The following ROBO2 variants were observed in gnomAD, a reference collection of about 807,000 sequenced individuals.
ROBO2 encodes the protein roundabout homolog 2.
Under a neutral mutation model 160.8 loss-of-function variants are expected in ROBO2, and 53 were observed. The ratio of observed to expected loss-of-function variants is 0.33; its 90% CI spans 0.26 to 0.41. ROBO2 has a LOEUF of 0.41. ROBO2 is among the 10% of genes least tolerant of loss of function. The probability of loss-of-function intolerance (pLI) is 1.00; values close to 1 mark genes in which losing one functional copy is unlikely to be tolerated. For synonymous variants in ROBO2, 664 were observed against 611.7 expected (o/e 1.09, Z -1.26); for missense variants, 1,577 against 1,722.4 (o/e 0.92, Z 1.49).
chr3:76,555,420 A>G (rs1202456985), intron 2 of ROBO2, among the ~76,000 whole-genome samples: 167 of 69,400 alleles, frequency 2.4e-3, no homozygotes, highest in African/African-American at 7.6e-3. Flanking sequence ...AGAAGAAGAA[A>G]GAAGGAGAAG....
At chr3:77,010,484 C>T (rs567742449) in intron 2 of ROBO2, among the ~76,000 whole-genome samples, 9 of 152,250 alleles carry the variant, frequency 5.9e-5, no homozygotes, top group African/African-American at 9.6e-5. Flanking sequence ...ACCCATAATT[C>T]CACATGTGAC....
intron 2 of ROBO2, among the ~76,000 whole-genome samples, chr3:76,681,663 C>A (rs544434993): frequency 4.5e-4 from 68 of 152,170 alleles, no homozygotes; most frequent in Non-Finnish European, 8.1e-4. Context: ...TGTGCAAAGA[C>A]CCTGGAGCAG....
chr3:77,207,226 A>C (rs555136563), intron 2 of ROBO2, among the ~76,000 whole-genome samples: 1 of 152,260 alleles, frequency 6.6e-6, no homozygotes, highest in African/African-American at 2.4e-5. Flanking sequence ...AAGAGATCTA[A>C]AATTTTGAAG....
intron 2 of ROBO2, among the ~76,000 whole-genome samples, chr3:77,281,471 A>C (rs543041059): frequency 1.3e-4 from 19 of 150,062 alleles, no homozygotes; most frequent in African/African-American, 3.9e-4. Flanking sequence ...CTTTGCACTA[A>C]ATATAAGAAA....
At chr3:76,486,990 G>A (rs2079531281) in intron 2 of ROBO2, among the ~76,000 whole-genome samples, 1 of 152,078 alleles carries the variant, frequency 6.6e-6, no homozygotes, top group African/African-American at 2.4e-5. Context: ...TGTCTTCAGA[G>A]ACAGGGTCTC....
chr3:77,531,279 G>T (rs2091705717), intron 6 of ROBO2, among the ~76,000 whole-genome samples: 1 of 151,988 alleles, frequency 6.6e-6, no homozygotes, highest in Admixed American at 6.6e-5. Context: ...ATGGAAGAAT[G>T]TAATTGGCCA....
At chr3:76,835,303 C>T (rs1264095520) in intron 2 of ROBO2, among the ~76,000 whole-genome samples, 1 of 150,332 alleles carries the variant, frequency 6.7e-6, no homozygotes, top group African/African-American at 2.4e-5. Context: ...TTATATGACA[C>T]ATACAATGTG....
chr3:76,521,792 G>A (rs1448430818), intron 2 of ROBO2, among the ~76,000 whole-genome samples: 2 of 151,960 alleles, frequency 1.3e-5, no homozygotes, highest in Non-Finnish European at 2.9e-5. Flanking sequence ...TTCTTTCTAA[G>A]TTTGTATTAT....
At chr3:76,079,587 A>C (rs1233839187) in intron 2 of ROBO2, among the ~76,000 whole-genome samples, 1 of 150,838 alleles carries the variant, frequency 6.6e-6, no homozygotes, top group Non-Finnish European at 1.5e-5. Context: ...GGGTTCAAGC[A>C]ATTCTCCCAC....
intron 2 of ROBO2, among the ~76,000 whole-genome samples, chr3:76,993,155 T>C (rs1216736022): frequency 6.6e-6 from 1 of 152,096 alleles, no homozygotes; most frequent in Non-Finnish European, 1.5e-5. Flanking sequence ...AGAAAAAAAG[T>C]TTCAAGAAAA....
At chr3:76,030,283 T>A (rs1395003814) in intron 2 of ROBO2, among the ~76,000 whole-genome samples, 1 of 152,192 alleles carries the variant, frequency 6.6e-6, no homozygotes, top group African/African-American at 2.4e-5. Context: ...GTCAGATGTG[T>A]AGATTGCAAA....
intron 2 of ROBO2, among the ~76,000 whole-genome samples, chr3:77,216,836 AT>A (rs565152536): frequency 1.1e-3 from 174 of 152,254 alleles, no homozygotes; most frequent in African/African-American, 3.9e-3. Flanking sequence ...AGAATGCCAT[AT>A]TTTTTTCAAA....
intron 2 of ROBO2, among the ~76,000 whole-genome samples, chr3:76,765,591 GGGA>G: frequency 6.6e-6 from 1 of 151,724 alleles, no homozygotes; most frequent in Middle Eastern, 3.4e-3. Context: ...TCACTGTGGA[GGGA>G]GCCATATACA....
intron 2 of ROBO2, among the ~76,000 whole-genome samples, chr3:77,387,387 A>T (rs1167627075): frequency 1.3e-5 from 2 of 151,906 alleles, no homozygotes; most frequent in African/African-American, 4.8e-5. Flanking sequence ...GAAAAAAAGA[A>T]CATCTAATGA....
chr3:75,940,429 A>AT (rs1204582946), intron 2 of ROBO2, among the ~76,000 whole-genome samples: 2 of 152,086 alleles, frequency 1.3e-5, no homozygotes, highest in Non-Finnish European at 2.9e-5. Flanking sequence ...ATCCTTGTCA[A>AT]TTTTTTGTAT....
chr3:77,369,866 A>G (rs1029948207), intron 2 of ROBO2, among the ~76,000 whole-genome samples: 1 of 152,146 alleles, frequency 6.6e-6, no homozygotes, highest in African/African-American at 2.4e-5. Flanking sequence ...TCTATAGTTA[A>G]TGTATTGGGC....
chr3:76,510,430 A>C (rs527311692), intron 2 of ROBO2, among the ~76,000 whole-genome samples: 30 of 152,276 alleles, frequency 2.0e-4, no homozygotes, highest in Admixed American at 4.6e-4. Context: ...AATAGAAGTT[A>C]ATGAAAAATA....
In ROBO2 at chr3:76,319,480, G is replaced by A. The variant is rs569881700; in HGVS notation, c.109+381878G>A. On this transcript the variant is annotated intron_variant, in intron 2 of 26. Transcript: ENST00000487694. ...GGGAAGGAATATTCCTTTCCCTTTAGCTGGTGTCTTCAACTAAGTTAAATG... is the reference window on the plus strand; with the variant it reads ...GGGAAGGAATATTCCTTTCCCTTTAACTGGTGTCTTCAACTAAGTTAAATG... 4.6e-3 allele frequency among the ~76,000 whole-genome samples: 694 copies of A among 151,622 alleles called. 3 individuals carry two copies. The highest frequency in any genetic ancestry group is 6.6e-3 in the Non-Finnish European group (447 of 67,844).
intron 2 of ROBO2, among the ~76,000 whole-genome samples, chr3:76,107,398 A>C (rs1358020946): frequency 6.6e-6 from 1 of 152,160 alleles, no homozygotes; most frequent in Non-Finnish European, 1.5e-5. Context: ...TTACCATATT[A>C]TTCAAAATAT....
Sources: allele counts gnomAD v4.1 joint callset (sites outside exome capture counted in the v4.1 genomes callset), GRCh38; gene constraint gnomAD v4.1.1; transcripts MANE v1.5; gene names NCBI Gene and HGNC (gene_info 2026-07-23, HGNC 2026-07-21).